The following UST variants were observed in gnomAD, a reference collection of about 807,000 sequenced individuals.
UST encodes chondroitin sulfate 2-O-sulfotransferase.
A neutral mutation model predicts 45.6 loss-of-function variants in UST; 21 were observed. The ratio of observed to expected loss-of-function variants is 0.46; its 90% confidence interval spans 0.33 to 0.66. The LOEUF (loss-of-function observed/expected upper bound fraction) is 0.66, where lower values mean the gene tolerates loss of function less well. UST is among the 30% of genes least tolerant of loss of function. The pLI is 0.02. For missense variants in UST, 463 were observed against 512.4 expected (o/e 0.90, Z 0.93); for synonymous variants, 215 against 200.6 (o/e 1.07, Z -0.61).
At chr6:148,997,105 C>A (rs1781467148) in intron 5 of UST, among the ~76,000 whole-genome samples, 1 of 152,162 alleles carries the variant, frequency 6.6e-6, no homozygotes, top group Non-Finnish European at 1.5e-5. Flanking sequence ...CTGTTCTCAT[C>A]TTCAGAGGAT....
chr6:148,949,803 T>C (rs1780328824), intron 3 of UST, among the ~76,000 whole-genome samples: 1 of 152,174 alleles, frequency 6.6e-6, no homozygotes, highest in Admixed American at 6.5e-5. Context: ...AATTTACATT[T>C]CAGCTCAGAC....
At chr6:148,973,556 A>C (rs1387576839) in intron 5 of UST, among the ~76,000 whole-genome samples, 1 of 152,236 alleles carries the variant, frequency 6.6e-6, no homozygotes, top group Non-Finnish European at 1.5e-5. Flanking sequence ...TTGCTATTGA[A>C]AGAAGCGATG....
Position 148,777,436 on chromosome 6 carries a change from T to A in UST, c.247+29759T>A, listed in dbSNP as rs181075937. On this transcript the variant is annotated intron_variant, in intron 1 of 7. Coordinates refer to ENST00000367463, the MANE Select transcript of UST (RefSeq NM_005715.3). ...CAGTGTGAATATTTTAATTGACTTT[T>A]ATTGTATAGTCATGTGCCACATAAT... 7.5e-4 allele frequency among the ~76,000 whole-genome samples: 115 copies of A among 152,382 alleles called. 1 individual carries two copies. Among genetic ancestry groups the A allele is most frequent in the Admixed American group, 2.0e-3 (30 of 15,308 alleles).
chr6:148,955,734 G>A (rs749008401), intron 4 of UST: 12 of 152,214 alleles, frequency 7.9e-5, no homozygotes, highest in African/African-American at 1.7e-4. Flanking sequence ...GTTCTAGCGC[G>A]TTTCCTTCTG....
intron 1 of UST, among the ~76,000 whole-genome samples, chr6:148,838,628 C>G (rs1449223286): frequency 6.6e-6 from 1 of 152,108 alleles, no homozygotes; most frequent in Non-Finnish European, 1.5e-5. Flanking sequence ...GGCATGGTGG[C>G]TCAAGCCTGT....
At chr6:149,067,756 G>A (rs1776762351) in intron 7 of UST, among the ~76,000 whole-genome samples, 1 of 152,196 alleles carries the variant, frequency 6.6e-6, no homozygotes, top group African/African-American at 2.4e-5. Context: ...GAAATCATAA[G>A]AGCCAGTACT....
chr6:148,975,949 T>C (rs79565392), intron 5 of UST, among the ~76,000 whole-genome samples: 4,059 of 152,266 alleles, frequency 0.027, 145 homozygotes, highest in African/African-American at 0.082. Context: ...CTTTAGATAA[T>C]TTAACAGTTT....
At chr6:148,793,470 G>C (rs1776891486) in intron 1 of UST, among the ~76,000 whole-genome samples, 1 of 152,124 alleles carries the variant, frequency 6.6e-6, no homozygotes. Context: ...ACTGCAGAGG[G>C]GAGTGCCTGT....
At chr6:149,042,440 G>A (rs562688531) in intron 7 of UST, among the ~76,000 whole-genome samples, 10 of 152,226 alleles carry the variant, frequency 6.6e-5, no homozygotes, top group South Asian at 6.2e-4. Context: ...CTTGGCTGCC[G>A]TGGGATATGG....
At chr6:149,053,582 A>G (rs7740389) in intron 7 of UST, among the ~76,000 whole-genome samples, 5,828 of 152,288 alleles carry the variant, frequency 0.038, 368 homozygotes, top group African/African-American at 0.13. Context: ...CCTAATGTCA[A>G]CTGACTTCAA....
chr6:148,856,533 G>A (rs1018014959), intron 1 of UST, among the ~76,000 whole-genome samples: 1 of 152,238 alleles, frequency 6.6e-6, no homozygotes, highest in Non-Finnish European at 1.5e-5. Flanking sequence ...AGCATGTCCT[G>A]CATGGGGGCT....
At chr6:148,801,730 C>G (rs1777060956) in intron 1 of UST, among the ~76,000 whole-genome samples, 2 of 152,138 alleles carry the variant, frequency 1.3e-5, no homozygotes, top group South Asian at 2.1e-4. Flanking sequence ...GTCACTCTCC[C>G]CTTTCTTTTT....
intron 1 of UST, among the ~76,000 whole-genome samples, chr6:148,773,824 C>T (rs1240584388): frequency 6.6e-6 from 1 of 152,182 alleles, no homozygotes; most frequent in African/African-American, 2.4e-5. Context: ...GCAAAGACTT[C>T]CAGCGGGATG....
At chr6:149,049,325 G>A (rs1048966385) in intron 7 of UST, among the ~76,000 whole-genome samples, 7 of 152,128 alleles carry the variant, frequency 4.6e-5, no homozygotes, top group Non-Finnish European at 1.0e-4. Context: ...ATAGCTGATT[G>A]CTTGAAATAT....
intron 2 of UST, among the ~76,000 whole-genome samples, chr6:148,891,314 A>G (rs1545841): frequency 0.21 from 32,519 of 151,970 alleles, 4,214 homozygotes; most frequent in African/African-American, 0.35. Flanking sequence ...TTCTGTTGGT[A>G]ACAAACAGGA....
chr6:148,982,141 C>T (rs1427626425), intron 5 of UST, among the ~76,000 whole-genome samples: 2 of 151,862 alleles, frequency 1.3e-5, no homozygotes, highest in Admixed American at 1.3e-4. Flanking sequence ...CACTGTCACC[C>T]AGGCTAGAAT....
rs1047849759 is a variant in UST at position 148,923,918 on chromosome 6, G to A, written c.292-17361G>A. Among the ~76,000 whole-genome samples the A allele has an allele frequency of 2.6e-5, 4 of 152,282 alleles. No individual in the cohort carries two copies. In the East Asian group the frequency reaches 7.7e-4, roughly 29 times the overall value. On this transcript the variant is annotated intron_variant, in intron 2 of 7. Coordinates refer to ENST00000367463, the MANE Select transcript of UST (RefSeq NM_005715.3). ...TTCAACAAAGGATTTAATGCCCCTG[G>A]ACCTCGGTTTCCTCGTCAGTAAATA...
intron 2 of UST, among the ~76,000 whole-genome samples, chr6:148,889,071 C>T (rs992194387): frequency 1.3e-5 from 2 of 152,234 alleles, no homozygotes; most frequent in Non-Finnish European, 2.9e-5. Flanking sequence ...TATTCTCAAA[C>T]TTTAGCTTGC....
chr6:148,806,667 T>C (rs989270109), intron 1 of UST, among the ~76,000 whole-genome samples: 1 of 152,196 alleles, frequency 6.6e-6, no homozygotes, highest in African/African-American at 2.4e-5. Flanking sequence ...CATTTTTATC[T>C]TAGTCTGTTG....
Sources: gnomAD v4.1 joint callset for allele counts (sites outside exome capture counted in the v4.1 genomes callset) on GRCh38, gnomAD v4.1.1 for gene constraint, MANE v1.5 for transcripts, NCBI Gene and HGNC (gene_info 2026-07-23, HGNC 2026-07-21) for gene names.